CAB39L: variants seen among roughly 807,000 people sequenced by gnomAD.
CAB39L encodes calcium binding protein 39 like.
A neutral mutation model predicts 39.1 loss-of-function variants in CAB39L; 23 were observed. That is an observed-to-expected ratio of 0.59 (90% CI 0.42 to 0.83). The LOEUF (loss-of-function observed/expected upper bound fraction) is 0.83, where lower values mean the gene tolerates loss of function less well. Ranked by LOEUF, CAB39L falls within the 40% of genes least tolerant of loss-of-function variation. The pLI is 0.00. For synonymous variants in CAB39L, 126 were observed against 137.2 expected (o/e 0.92, Z 0.57); for missense variants, 366 against 391.9 (o/e 0.93, Z 0.56).
At chr13:49,324,831 T>C (rs1423731188) in intron 10 of CAB39L, among the ~76,000 whole-genome samples, 2 of 152,188 alleles carry the variant, frequency 1.3e-5, no homozygotes, top group African/African-American at 2.4e-5. Flanking sequence ...ATCAAATCTT[T>C]GGGATCTACA....
At chr13:49,338,893 A>T (rs1400619205) in intron 9 of CAB39L, among the ~76,000 whole-genome samples, 1 of 152,186 alleles carries the variant, frequency 6.6e-6, no homozygotes, top group Non-Finnish European at 1.5e-5. Context: ...GTGAATGCTC[A>T]GGGAATGGGA....
chr13:49,419,715 T>C (rs932866026), intron 3 of CAB39L, among the ~76,000 whole-genome samples: 5 of 152,222 alleles, frequency 3.3e-5, no homozygotes, highest in Admixed American at 1.3e-4. Context: ...TTTATTATTT[T>C]AATCTATTTG....
chr13:49,346,124 TCATGG>T (rs1955165900), intron 7 of CAB39L, among the ~76,000 whole-genome samples: 15 of 116,720 alleles, frequency 1.3e-4, no homozygotes, highest in Non-Finnish European at 1.7e-4. Context: ...TATATATATA[TCATGG>T]ATACAGCCAA....
intron 3 of CAB39L, among the ~76,000 whole-genome samples, chr13:49,430,584 A>G (rs997913459): frequency 6.6e-6 from 1 of 152,158 alleles, no homozygotes; most frequent in African/African-American, 2.4e-5. Flanking sequence ...ATCATTTTCA[A>G]GAGTTTTTTA....
intron 9 of CAB39L, among the ~76,000 whole-genome samples, chr13:49,338,361 T>C (rs1385678908): frequency 1.3e-5 from 2 of 151,600 alleles, no homozygotes; most frequent in Non-Finnish European, 2.9e-5. Flanking sequence ...GGGACATGGA[T>C]GAAATTGGAA....
chr13:49,388,384 T>C (rs1411192515), intron 3 of CAB39L, among the ~76,000 whole-genome samples: 1 of 152,148 alleles, frequency 6.6e-6, no homozygotes, highest in Non-Finnish European at 1.5e-5. Context: ...AAATAAACAT[T>C]TCCTTCTCAG....
At chr13:49,328,938 TA>T (rs537550769) in intron 10 of CAB39L, among the ~76,000 whole-genome samples, 4 of 152,012 alleles carry the variant, frequency 2.6e-5, no homozygotes, top group African/African-American at 9.7e-5. Context: ...TTCTAAAAGT[TA>T]AAAAAAATTG....
intron 6 of CAB39L, among the ~76,000 whole-genome samples, chr13:49,351,888 T>C (rs921591360): frequency 3.3e-5 from 5 of 152,144 alleles, no homozygotes; most frequent in Non-Finnish European, 7.4e-5. Context: ...ACTGGGTAGA[T>C]GGTGGTGCTA....
At position 49,382,847 on chromosome 13, in the gene CAB39L, T is replaced by C. The variant is rs369293007; in HGVS notation, c.64A>G (p.Lys22Glu). The C allele has an allele frequency of 3.1e-5, 50 of 1,612,036 alleles. No homozygotes were observed. The African/African-American group carries it at 5.6e-4, about 18-fold the overall frequency. The change falls in exon 4 of 11, where the codon AAA (lysine) becomes GAA (glutamate). Residue 22 changes from lysine (K) to glutamate (E), a missense_variant. Lys to Glu is a moderately conservative substitution (Grantham distance 56, BLOSUM62 1). Transcript: ENST00000409308. ...TTTTCCAAAATGGCCAAATTGTCTT[T>C]CAGGATTTTCACAATTTCTGCTGGA... ...KNPAEIVKIL[K>E]DNLAILEKQD...
intron 10 of CAB39L, among the ~76,000 whole-genome samples, chr13:49,316,760 G>A (rs1375358599): frequency 6.6e-6 from 1 of 152,212 alleles, no homozygotes; most frequent in African/African-American, 2.4e-5. Context: ...CTCAGTATCT[G>A]TGAGCGTGAT....
chr13:49,355,772 T>C (rs1434304686), intron 6 of CAB39L, among the ~76,000 whole-genome samples: 1 of 151,654 alleles, frequency 6.6e-6, no homozygotes, highest in East Asian at 1.9e-4. Flanking sequence ...TAAATATATA[T>C]ATATATTTAT....
intron 7 of CAB39L, among the ~76,000 whole-genome samples, chr13:49,348,973 C>T (rs1593962129): frequency 6.6e-6 from 1 of 152,332 alleles, no homozygotes; most frequent in Non-Finnish European, 1.5e-5. Context: ...TTCTGCCCCA[C>T]TGACATCTCC....
chr13:49,434,402 T>C lies in CAB39L; in HGVS notation c.-245-179A>G, dbSNP rs193185265. Among the ~76,000 whole-genome samples, 207 of 152,348 alleles carry C rather than the reference T, an allele frequency of 1.4e-3. 1 individual carries two copies. Among genetic ancestry groups the C allele is most frequent in the Middle Eastern group, 6.8e-3 (2 of 294 alleles). On this transcript the variant is annotated intron_variant, in intron 1 of 10. Transcript: ENST00000409308. Reference sequence around the variant, plus strand: ...CAAGAAACAAATGATATAGCATATATATATAGTGTCAGCAAAGTGTCTACC... The same window carrying C: ...CAAGAAACAAATGATATAGCATATACATATAGTGTCAGCAAAGTGTCTACC...
intron 2 of CAB39L, among the ~76,000 whole-genome samples, chr13:49,433,830 C>G (rs573750090): frequency 6.6e-6 from 1 of 152,298 alleles, no homozygotes; most frequent in African/African-American, 2.4e-5. Context: ...TTAGCTCTTT[C>G]ATATTTCTAT....
intron 10 of CAB39L, among the ~76,000 whole-genome samples, chr13:49,324,711 G>T (rs1263222096): frequency 6.6e-6 from 1 of 152,228 alleles, no homozygotes; most frequent in African/African-American, 2.4e-5. Context: ...TGACTTCACA[G>T]ATGGGGTGAG....
At chr13:49,339,338 C>T (rs1484673306) in intron 9 of CAB39L, among the ~76,000 whole-genome samples, 1 of 152,024 alleles carries the variant, frequency 6.6e-6, no homozygotes. Context: ...GCCATGTTGG[C>T]CAGGCTGGTC....
At chr13:49,320,122 T>C (rs1176493870) in intron 10 of CAB39L, among the ~76,000 whole-genome samples, 1 of 152,196 alleles carries the variant, frequency 6.6e-6, no homozygotes, top group Non-Finnish European at 1.5e-5. Flanking sequence ...TAGTGCATGA[T>C]TCCCTTGGGG....
At chr13:49,320,702 T>C (rs1954314109) in intron 10 of CAB39L, among the ~76,000 whole-genome samples, 1 of 152,190 alleles carries the variant, frequency 6.6e-6, no homozygotes, top group African/African-American at 2.4e-5. Flanking sequence ...ATGTGGAAGC[T>C]ACTCCAAGCA....
At chr13:49,408,662 CA>C (rs577608683) in intron 3 of CAB39L, among the ~76,000 whole-genome samples, 1 of 151,802 alleles carries the variant, frequency 6.6e-6, no homozygotes, top group African/African-American at 2.4e-5. Flanking sequence ...CCATCTCTAC[CA>C]AAAAAATACA....
Sources: allele counts gnomAD v4.1 joint callset (sites outside exome capture counted in the v4.1 genomes callset), GRCh38; gene constraint gnomAD v4.1.1; transcripts MANE v1.5; gene names NCBI Gene and HGNC (gene_info 2026-07-23, HGNC 2026-07-21).